ZNF780A: variants seen among roughly 807,000 people sequenced by gnomAD.
The protein encoded by ZNF780A is zinc finger protein 780A.
Under a neutral mutation model 56.7 loss-of-function variants are expected in ZNF780A, and 40 were observed. The ratio of observed to expected loss-of-function variants is 0.71; its 90% confidence interval spans 0.55 to 0.92. ZNF780A has a LOEUF of 0.92. Among genes scored for constraint, ZNF780A ranks in the 40% least tolerant of loss-of-function variants. ZNF780A has a pLI of 0.00. For synonymous variants in ZNF780A, 231 were observed against 248.3 expected (o/e 0.93, Z 0.66); for missense variants, 672 against 783.3 (o/e 0.86, Z 1.70).
downstream of ZNF780A, chr19:40,071,863 T>TAAAG (rs1188033795): frequency 6.6e-6 from 1 of 152,354 alleles, no homozygotes; most frequent in Non-Finnish European, 1.5e-5. Flanking sequence ...AATGACACTA[T>TAAAG]AAAGAAAGAA....
At position 40,073,145 on chromosome 19, in the gene ZNF780A, C is replaced by A; in HGVS notation, c.*1371G>T. On this transcript the variant is annotated 3_prime_UTR_variant, in exon 6 of 6. Transcript: ENST00000683561. Reference sequence around the variant, plus strand: ...TGTCTAAAACTTATTCTCAATGGTACAACAAATATACAAAAAATAAACGTG... The same window carrying A: ...TGTCTAAAACTTATTCTCAATGGTAAAACAAATATACAAAAAATAAACGTG... 9.0e-7 allele frequency: 1 copy of A among 1,109,738 alleles called. No individual in the cohort carries two copies. Among genetic ancestry groups the A allele is most frequent in the Non-Finnish European group, 1.2e-6 (1 of 860,986 alleles). 68.7% of individuals were successfully genotyped at this position (1,109,738 alleles called of 1,614,324 possible).
intron 3 of ZNF780A, among the ~76,000 whole-genome samples, 160 bp downstream of exon 3, chr19:40,084,585 G>C (rs934530486): frequency 2.0e-5 from 3 of 151,928 alleles, no homozygotes; most frequent in African/African-American, 7.3e-5. Context: ...AATAGGAAGA[G>C]CAGTGACTTT....
In ZNF780A at chr19:40,083,208, A is replaced by G; in HGVS notation, c.39T>C (p.Ile13=). 1 of 1,614,242 alleles carries G rather than the reference A, an allele frequency of 6.2e-7. No individual in the cohort carries two copies. Among genetic ancestry groups the G allele is most frequent in the Non-Finnish European group, 8.5e-7 (1 of 1,180,034 alleles). ...ACTCCCACTCCTCCTGAGAGAAGTC[A>G]ATGGCCACATCCCTGAATGTCACTG... The part of the protein sequence containing the change: ...HGSVTFRDVA[I]DFSQEEWECL... Residue 13 remains isoleucine, a synonymous_variant, in exon 4 of 6, where the codon ATT becomes ATC. Coordinates refer to ENST00000683561, the MANE Select transcript of ZNF780A (RefSeq NM_001142578.2).
chr19:40,078,927 G>A (rs1191583250), intron 5 of ZNF780A, among the ~76,000 whole-genome samples: 1 of 151,886 alleles, frequency 6.6e-6, no homozygotes, highest in African/African-American at 2.4e-5. Context: ...GAGAAAGAAA[G>A]GAACAAAGGA....
At chr19:40,087,688 C>T (rs1974890501) in intron 2 of ZNF780A, among the ~76,000 whole-genome samples, 1 of 152,026 alleles carries the variant, frequency 6.6e-6, no homozygotes. Flanking sequence ...CCACAAAAGA[C>T]CCAAATAGCC....
In ZNF780A at chr19:40,086,552, C is replaced by T. The variant is rs533313631; in HGVS notation, c.-45-1754G>A. 5.6e-4 allele frequency among the ~76,000 whole-genome samples: 84 copies of T among 150,976 alleles called. 2 individuals are homozygous for T. Among genetic ancestry groups the T allele is most frequent in the Admixed American group, 5.4e-3 (82 of 15,258 alleles). ...TATGTGAGAAAATTTGTGAAATATA[C>T]ACCACCATGCTTGGTTCCCTTCTTC... On this transcript the variant is annotated intron_variant, in intron 2 of 5. Transcript: ENST00000683561.
At chr19:40,086,478 A>C (rs1029927482) in intron 2 of ZNF780A, among the ~76,000 whole-genome samples, 10 of 152,222 alleles carry the variant, frequency 6.6e-5, no homozygotes, top group Non-Finnish European at 1.3e-4. Context: ...TCTCATTATC[A>C]AGATTCTTCT....
chr19:40,072,366 A>G (rs142626224), downstream of ZNF780A: 153 of 153,810 alleles, frequency 9.9e-4, 3 homozygotes, highest in East Asian at 0.023. Context: ...AGGCCGATTA[A>G]GAATCCCTAA....
Position 40,074,990 on chromosome 19 carries a change from A to G in ZNF780A, c.1452T>C (p.Arg484=), listed in dbSNP as rs765891769. 5 of 1,614,230 alleles carry G rather than the reference A, an allele frequency of 3.1e-6. No individual in the cohort carries two copies. In the South Asian group the frequency reaches 5.5e-5, roughly 18 times the overall value. Reference sequence around the variant, plus strand: ...TCTGATGTTGAACAAGGCTTGAGCCACGATTGAAGGCCTTCCCACAGTCTT... The same window carrying G: ...TCTGATGTTGAACAAGGCTTGAGCCGCGATTGAAGGCCTTCCCACAGTCTT... The part of the protein sequence containing the change: ...ECQDCGKAFN[R]GSSLVQHQSI... The change falls in exon 6 of 6, where the codon CGT becomes CGC. Residue 484 remains arginine (R), a synonymous_variant. Transcript: ENST00000683561.
intron 2 of ZNF780A, 91 bp from the exon 3 acceptor site, chr19:40,084,889 C>T: frequency 1.4e-6 from 2 of 1,420,610 alleles, no homozygotes; most frequent in South Asian, 1.3e-5. Context: ...TTCTCAACTA[C>T]TCCTGCTAAC....
At position 40,076,253 on chromosome 19, in the gene ZNF780A, C is replaced by T. The variant is rs199706821; in HGVS notation, c.233-44G>A. 218 of 1,507,848 alleles carry T rather than the reference C, an allele frequency of 1.4e-4. 2 individuals are homozygous for T. In the East Asian group the frequency reaches 3.9e-3, roughly 27 times the overall value. 93.4% of individuals were successfully genotyped at this position (1,507,848 alleles called of 1,614,324 possible). A position where few individuals can be genotyped will look rare whatever the true frequency, so the allele number is the denominator to read the frequency against. On this transcript the variant is annotated intron_variant, in intron 5 of 5. Coordinates refer to ENST00000683561, the MANE Select transcript of ZNF780A (RefSeq NM_001142578.2). ...GCAAACCTATTTTATTTTCGTATAA[C>T]ACACATGCATACAAAGTCCTTTTGT...
chr19:40,078,936 G>A (rs79121260), intron 5 of ZNF780A, among the ~76,000 whole-genome samples: 152 of 152,152 alleles, frequency 1.0e-3, no homozygotes, highest in African/African-American at 3.6e-3. Context: ...AGGAACAAAG[G>A]ATACACAAAT....
chr19:40,072,135 G>T, downstream of ZNF780A: 1 of 236,102 alleles, frequency 4.2e-6, no homozygotes, highest in South Asian at 7.9e-5. Context: ...TGCAGTCCAT[G>T]ACTAAAATCT....
chr19:40,081,980 G>T, intron 4 of ZNF780A, 66 bp from the exon 5 acceptor site: 3 of 1,138,852 alleles, frequency 2.6e-6, no homozygotes, highest in South Asian at 2.8e-5. Flanking sequence ...AAATCTTTGT[G>T]ACCTGCTTAA....
chr19:40,083,841 ATTTATACG>A (rs2144957231), intron 3 of ZNF780A, among the ~76,000 whole-genome samples: 1 of 151,986 alleles, frequency 6.6e-6, no homozygotes, highest in South Asian at 2.1e-4. Context: ...TTTTTTTTCT[ATTTATACG>A]TTGAGGATGG....
Position 40,079,557 on chromosome 19 carries a change from C to G in ZNF780A, c.232+2262G>C, listed in dbSNP as rs140872364. Among the ~76,000 whole-genome samples, 964 of 152,266 alleles carry G rather than the reference C, an allele frequency of 6.3e-3. 7 individuals carry two copies. Among genetic ancestry groups the G allele is most frequent in the Middle Eastern group, 0.014 (4 of 294 alleles). ...AAATACACATTTTCTCATTAGCACA[C>G]AGAACATTCTCTAGGATAGACCATA... is the stretch of plus-strand genomic sequence containing the variant. On this transcript the variant is annotated intron_variant, in intron 5 of 5. Transcript: ENST00000683561.
In ZNF780A at chr19:40,074,482, G is replaced by T; in HGVS notation, c.*34C>A. On this transcript the variant is annotated 3_prime_UTR_variant, in exon 6 of 6. Transcript: ENST00000683561. ...TACTCTGATGTTGAACATGGTTTGA[G>T]ACACGATTAAAGGACTTTCCACATT... The T allele has an allele frequency of 6.2e-7, 1 of 1,608,946 alleles. No homozygotes were observed. The highest frequency in any genetic ancestry group is 8.5e-7 in the Non-Finnish European group (1 of 1,177,284).
chr19:40,085,177 G>T, intron 2 of ZNF780A: 1 of 985,454 alleles, frequency 1.0e-6, no homozygotes, highest in Non-Finnish European at 1.2e-6. Context: ...ACCTTTCAGA[G>T]CTGAGAAGGG....
At chr19:40,090,500 C>T (rs1169125811) in intron 1 of ZNF780A, 3 of 152,206 alleles carry the variant, frequency 2.0e-5, no homozygotes, top group African/African-American at 7.2e-5. Flanking sequence ...TTGTGTAAAG[C>T]TTCATTCTCG....
Sources: allele counts gnomAD v4.1 joint callset (sites outside exome capture counted in the v4.1 genomes callset), GRCh38; gene constraint gnomAD v4.1.1; transcripts MANE v1.5; gene names NCBI Gene and HGNC (gene_info 2026-07-23, HGNC 2026-07-21).